The following MUC4 variants were observed in gnomAD, a reference collection of about 807,000 sequenced individuals.
MUC4 encodes mucin-4.
A neutral mutation model predicts 257.9 loss-of-function variants in MUC4; 202 were observed. That is an observed-to-expected ratio of 0.78 (90% confidence interval 0.70 to 0.88). The LOEUF (loss-of-function observed/expected upper bound fraction) is 0.88. MUC4 is among the 40% of genes least tolerant of loss of function. MUC4 has a pLI of 0.00. For missense variants in MUC4, 5,976 were observed against 6,513.7 expected (o/e 0.92, Z 2.84); for synonymous variants, 2,351 against 2,757.1 (o/e 0.85, Z 4.62).
intron 1 of MUC4, among the ~76,000 whole-genome samples, chr3:195,800,890 GAA>G (rs59625247): frequency 5.8e-4 from 53 of 91,318 alleles, no homozygotes; most frequent in Admixed American, 6.6e-4. Flanking sequence ...CCCCTTCTCT[GAA>G]AAAAAAAAAA....
In MUC4 at chr3:195,789,610, G is replaced by C; in HGVS notation, c.1970C>G (p.Pro657Arg). 1 of 1,613,998 alleles carries C rather than the reference G, an allele frequency of 6.2e-7. No homozygotes were observed. The highest frequency in any genetic ancestry group is 8.5e-7 in the Non-Finnish European group (1 of 1,179,896). The part of the protein sequence containing the change: ...QESQTTRSVS[P>R]MTDTKTVTTP... Reference sequence around the variant, plus strand: ...GGTGACTGTCTTGGTGTCAGTCATGGGGGAGACGGACCTCGTGGTTTGTGA... The same window carrying C: ...GGTGACTGTCTTGGTGTCAGTCATGCGGGAGACGGACCTCGTGGTTTGTGA... Residue 657 changes from proline (P) to arginine (R), a missense_variant, in exon 2 of 25, where the codon CCC becomes CGC. Physicochemically the swap from Pro to Arg is moderately radical, Grantham distance 103 (BLOSUM62 -2). Around this residue, in one of 44 missense-constraint regions of MUC4, gnomAD observed 1,583 missense variants for 1,257.4 expected, o/e 1.26. Transcript: ENST00000463781.
intron 1 of MUC4, among the ~76,000 whole-genome samples, chr3:195,811,468 C>T (rs894078414): frequency 2.0e-5 from 3 of 152,206 alleles, no homozygotes; most frequent in Admixed American, 6.5e-5. Flanking sequence ...CCACCGCGCA[C>T]GGCCTCCACT....
intron 3 of MUC4, among the ~76,000 whole-genome samples, chr3:195,777,298 A>G (rs1376476134): frequency 7.6e-3 from 5 of 654 alleles, no homozygotes; most frequent in African/African-American, 0.01. Context: ...TACCTTCCAC[A>G]CCCATACCTT....
At chr3:195,793,179 G>A (rs2149046460) in intron 1 of MUC4, among the ~76,000 whole-genome samples, 1 of 152,130 alleles carries the variant, frequency 6.6e-6, no homozygotes, top group East Asian at 1.9e-4. Context: ...TATCACAACT[G>A]TACATATTTG....
rs1323840505 is a variant in MUC4, at chr3:195,791,115, T to C, written c.465A>G (p.Ser155=). 7 of 1,613,802 alleles carry C rather than the reference T, an allele frequency of 4.3e-6. No homozygotes were observed. The highest frequency in any genetic ancestry group is 5.9e-6 in the Non-Finnish European group (7 of 1,179,866). ...GGGTAGAACTTTCAGTTCCTGCTGTTGATGTCTCTTCTGTGTTTCCAAGAG... is the reference window on the plus strand; with the variant it reads ...GGGTAGAACTTTCAGTTCCTGCTGTCGATGTCTCTTCTGTGTTTCCAAGAG... ...DSTLGNTEET[S]TAGTESSTPV... Residue 155 remains serine (S), a synonymous_variant, in exon 2 of 25, where the codon TCA becomes TCG. Coordinates refer to ENST00000463781, the MANE Select transcript of MUC4 (RefSeq NM_018406.7).
At chr3:195,773,849 A>G (rs1385716065) in intron 4 of MUC4, among the ~76,000 whole-genome samples, 4 of 152,188 alleles carry the variant, frequency 2.6e-5, no homozygotes, top group Non-Finnish European at 4.4e-5. Context: ...TGTCCCTCCA[A>G]CTCTGCTCCA....
rs1715150939 is a variant in MUC4 at position 195,746,933 on chromosome 3, C to T, written c.*243G>A. ...ACGCGCGCGTGCACAGGCTAGTGTCCTTCTGTGGGTGTGTCTGCGTGAGGA... is the reference window on the plus strand; with the variant it reads ...ACGCGCGCGTGCACAGGCTAGTGTCTTTCTGTGGGTGTGTCTGCGTGAGGA... On this transcript the variant is annotated 3_prime_UTR_variant, in exon 25 of 25. Transcript: ENST00000463781. 2 of 613,766 alleles carry T rather than the reference C, an allele frequency of 3.3e-6. No individual in the cohort carries two copies. Among genetic ancestry groups the T allele is most frequent in the Non-Finnish European group, 5.7e-6 (2 of 350,572 alleles). The allele number at this position is 613,766 out of a possible 1,614,324, so 38.0% of individuals were successfully genotyped here.
chr3:195,794,595 CA>C (rs1254790766), intron 1 of MUC4, among the ~76,000 whole-genome samples: 1 of 152,124 alleles, frequency 6.6e-6, no homozygotes. Context: ...CTCCCGGCCT[CA>C]AGCGATCCTC....
chr3:195,778,495 T>C, intron 2 of MUC4, 40 bp from the exon 3 acceptor site: 1 of 1,601,752 alleles, frequency 6.2e-7, no homozygotes, highest in South Asian at 1.1e-5. Context: ...TTTCTTACAG[T>C]AACAAAACAG....
chr3:195,771,607 G>A (rs778864225), intron 5 of MUC4, 45 bp downstream of exon 5: 1 of 1,595,130 alleles, frequency 6.3e-7, no homozygotes, highest in South Asian at 1.1e-5. Flanking sequence ...TGTCTCCCCT[G>A]CCAGCTGCTG....
At chr3:195,762,362 AG>A in intron 13 of MUC4, 108 bp from the exon 14 acceptor site, 1 of 1,243,766 alleles carries the variant, frequency 8.0e-7, no homozygotes, top group Non-Finnish European at 1.1e-6. Flanking sequence ...CTGGGGCTGA[AG>A]CCGGGAGGGG....
chr3:195,796,901 T>C (rs1734643638), intron 1 of MUC4, among the ~76,000 whole-genome samples: 1 of 151,990 alleles, frequency 6.6e-6, no homozygotes, highest in South Asian at 2.1e-4. Context: ...GATTAATAAG[T>C]CCCAGTAATA....
chr3:195,774,444 G>A, intron 3 of MUC4, 139 bp from the exon 4 acceptor site: 2 of 1,074,776 alleles, frequency 1.9e-6, no homozygotes, highest in Non-Finnish European at 2.5e-6. Context: ...AGCCATCTAG[G>A]GTGCTTCTCG....
intron 8 of MUC4, among the ~76,000 whole-genome samples, chr3:195,766,240 T>C (rs923783575): frequency 5.3e-5 from 8 of 152,004 alleles, no homozygotes; most frequent in Non-Finnish European, 1.2e-4. Context: ...GGATTACAGG[T>C]GTGAGCCATG....
In MUC4 at chr3:195,790,120, G is replaced by A. The variant is rs1173382214; in HGVS notation, c.1460C>T (p.Thr487Ile). ...QEIFTLHETTTWPSSFSSKGH... is the reference protein window; with the variant it reads ...QEIFTLHETTIWPSSFSSKGH... Reference sequence around the variant, plus strand: ...TTTGCTGGAGAATGAGGAAGGCCATGTTGTTGTTTCATGTAGAGTAAATAT... The same window carrying A: ...TTTGCTGGAGAATGAGGAAGGCCATATTGTTGTTTCATGTAGAGTAAATAT... Residue 487 changes from threonine to isoleucine, a missense_variant, in exon 2 of 25, where the codon ACA (threonine) becomes ATA (isoleucine). Around this residue, in one of 44 missense-constraint regions of MUC4, gnomAD observed 1,583 missense variants for 1,257.4 expected, o/e 1.26. Coordinates refer to ENST00000463781, the MANE Select transcript of MUC4 (RefSeq NM_018406.7). 3 of 1,613,912 alleles carry A rather than the reference G, an allele frequency of 1.9e-6. No homozygotes were observed. The highest frequency in any genetic ancestry group is 3.3e-5 in the Admixed American group (2 of 60,000).
chr3:195,778,508 G>C, intron 2 of MUC4, 53 bp from the exon 3 acceptor site: 1 of 1,591,168 alleles, frequency 6.3e-7, no homozygotes, highest in Middle Eastern at 1.7e-4. Context: ...CAAAACAGGA[G>C]AGTCAAAGAG....
At chr3:195,792,919 T>C (rs539519779) in intron 1 of MUC4, among the ~76,000 whole-genome samples, 1 of 152,158 alleles carries the variant, frequency 6.6e-6, no homozygotes, top group South Asian at 2.1e-4. Flanking sequence ...ACTCATAAGT[T>C]GGAGTTGAAC....
chr3:195,750,016 G>A (rs1393005663), intron 23 of MUC4: 3 of 152,232 alleles, frequency 2.0e-5, no homozygotes, highest in Non-Finnish European at 4.4e-5. Context: ...CAGTAGTTCT[G>A]AGGGATTTCA....
At chr3:195,767,826 C>T (rs1024974778) in intron 7 of MUC4, among the ~76,000 whole-genome samples, 94 of 110,844 alleles carry the variant, frequency 8.5e-4, no homozygotes, top group Non-Finnish European at 1.6e-3. Flanking sequence ...ACCACCACCA[C>T]CACCATCACC....
Sources: allele counts gnomAD v4.1 joint callset (sites outside exome capture counted in the v4.1 genomes callset), GRCh38; gene constraint gnomAD v4.1.1; regional missense constraint gnomAD v4.1.1; transcripts MANE v1.5; gene names NCBI Gene and HGNC (gene_info 2026-07-23, HGNC 2026-07-21).